PRICKLE1: variants seen among roughly 807,000 people sequenced by gnomAD.
PRICKLE1 encodes the protein prickle-like protein 1.
A neutral mutation model predicts 70.2 loss-of-function variants in PRICKLE1; 14 were observed. The observed-to-expected ratio is 0.20, with a 90% CI of 0.13 to 0.31. PRICKLE1 has a LOEUF of 0.31. Among genes scored for constraint, PRICKLE1 ranks in the 10% least tolerant of loss-of-function variants. The pLI, the probability that PRICKLE1 is intolerant of heterozygous loss-of-function variation, is 1.00. For missense variants in PRICKLE1, 821 were observed against 1,026.2 expected, an observed-to-expected ratio of 0.80 and a Z score of 2.73; for synonymous variants, 357 against 379.9, an observed-to-expected ratio of 0.94 and a Z score of 0.70.
chr12:42,467,582 A>C (rs1172252641), intron 5 of PRICKLE1, among the ~76,000 whole-genome samples: 4 of 151,962 alleles, frequency 2.6e-5, no homozygotes, highest in African/African-American at 4.8e-5. Context: ...TCTACTAAAA[A>C]TACAAAAAAA....
chr12:42,505,245 G>A (rs930546196), intron 1 of PRICKLE1, among the ~76,000 whole-genome samples: 1 of 152,214 alleles, frequency 6.6e-6, no homozygotes, highest in Non-Finnish European at 1.5e-5. Context: ...TATCTGTGTG[G>A]GTAGATGGAT....
Position 42,516,631 on chromosome 12 carries a change from T to C in PRICKLE1, c.-48-44067A>G, listed in dbSNP as rs980060182. On this transcript the variant is annotated intron_variant, in intron 1 of 7. Coordinates refer to ENST00000345127, the MANE Select transcript of PRICKLE1 (RefSeq NM_153026.3). ...CTCTCTGTTCATCCTCATCTACCTG[T>C]TCATATTTAATAGTGAGATACTAAA... 2.0e-5 allele frequency among the ~76,000 whole-genome samples: 3 copies of C among 152,196 alleles called. No individual in the cohort carries two copies. In the East Asian group the frequency reaches 5.8e-4, roughly 29 times the overall value.
At chr12:42,511,611 A>AG (rs963645433) in intron 1 of PRICKLE1, among the ~76,000 whole-genome samples, 16 of 152,112 alleles carry the variant, frequency 1.1e-4, no homozygotes, top group South Asian at 6.2e-4. Flanking sequence ...TCCACAGGAG[A>AG]GGGGGGTATG....
At chr12:42,475,906 C>T (rs1440307252) in intron 1 of PRICKLE1, among the ~76,000 whole-genome samples, 2 of 151,612 alleles carry the variant, frequency 1.3e-5, no homozygotes, top group Admixed American at 1.3e-4. Context: ...TCAAGACCAG[C>T]ATGGCCAACC....
intron 1 of PRICKLE1, among the ~76,000 whole-genome samples, chr12:42,518,605 T>C (rs1040847266): frequency 1.8e-4 from 27 of 152,194 alleles, no homozygotes; most frequent in Non-Finnish European, 5.9e-5. Context: ...AATTTTCCTA[T>C]GTTTGTCCCC....
intron 1 of PRICKLE1, among the ~76,000 whole-genome samples, chr12:42,539,801 A>C (rs1940078060): frequency 6.6e-6 from 1 of 152,260 alleles, no homozygotes; most frequent in African/African-American, 2.4e-5. Context: ...TGACAAAGCA[A>C]CAAGAAAAAA....
intron 1 of PRICKLE1, among the ~76,000 whole-genome samples, chr12:42,549,683 C>T (rs1940278548): frequency 1.3e-5 from 2 of 152,148 alleles, no homozygotes; most frequent in South Asian, 4.1e-4. Flanking sequence ...CTCTCCAGTC[C>T]GTTTCCACCT....
rs144921256 is a variant in PRICKLE1 at position 42,478,316 on chromosome 12, G to A, written c.-48-5752C>T. 3.9e-3 allele frequency among the ~76,000 whole-genome samples: 596 copies of A among 152,292 alleles called. 5 individuals carry two copies. The highest frequency in any genetic ancestry group is 6.5e-3 in the Non-Finnish European group (439 of 68,030). ...TATGCATTAACCAATCCTGTGCTAA[G>A]TTTGGAAATAAATCAATAGGCATCC... On this transcript the variant is annotated intron_variant, in intron 1 of 7. Coordinates refer to ENST00000345127, the MANE Select transcript of PRICKLE1 (RefSeq NM_153026.3).
At chr12:42,482,050 T>C (rs1006615000) in intron 1 of PRICKLE1, among the ~76,000 whole-genome samples, 1 of 152,266 alleles carries the variant, frequency 6.6e-6, no homozygotes, top group Admixed American at 6.5e-5. Context: ...TGCCCTTTAG[T>C]ATTTTCTGTA....
chr12:42,482,417 T>C (rs147627092), intron 1 of PRICKLE1, among the ~76,000 whole-genome samples: 6 of 152,326 alleles, frequency 3.9e-5, no homozygotes, highest in East Asian at 3.9e-4. Context: ...TTTTCCATAA[T>C]GGGGGATGCA....
At chr12:42,499,889 G>A (rs545070127) in intron 1 of PRICKLE1, among the ~76,000 whole-genome samples, 13 of 151,452 alleles carry the variant, frequency 8.6e-5, no homozygotes, top group Non-Finnish European at 1.6e-4. Flanking sequence ...CACCATGCCT[G>A]GCTAATTTTT....
Position 42,469,785 on chromosome 12 carries a change from CT to C in PRICKLE1, c.247-199del, listed in dbSNP as rs540132556. 224 of 634,716 alleles carry C rather than the reference CT, an allele frequency of 3.5e-4. 1 individual carries two copies. Among genetic ancestry groups the C allele is most frequent in the East Asian group, 5.3e-4 (19 of 35,694 alleles). 39.3% of individuals were successfully genotyped at this position (634,716 alleles called of 1,614,324 possible). ...AAGGGAAATGCAATGTGAAGGAATA[CT>C]TTTTTTTTAAATAAGAAATGTTTAA... On this transcript the variant is annotated intron_variant, in intron 3 of 7. Transcript: ENST00000345127.
intron 4 of PRICKLE1, 28 bp from the exon 5 acceptor site, chr12:42,468,857 A>G (rs762072243): frequency 6.2e-7 from 1 of 1,604,376 alleles, no homozygotes; most frequent in Admixed American, 1.7e-5. Flanking sequence ...TGAATGTAAA[A>G]GGATCATTTT....
intron 1 of PRICKLE1, among the ~76,000 whole-genome samples, chr12:42,542,339 T>G (rs1221539761): frequency 2.0e-5 from 3 of 152,144 alleles, no homozygotes; most frequent in Non-Finnish European, 4.4e-5. Context: ...ATATTCAATA[T>G]TCTCAATTTG....
At chr12:42,519,447 C>T (rs576095138) in intron 1 of PRICKLE1, among the ~76,000 whole-genome samples, 1 of 152,176 alleles carries the variant, frequency 6.6e-6, no homozygotes, top group African/African-American at 2.4e-5. Context: ...CCATGCGCCT[C>T]GGCCTCCCAA....
chr12:42,522,742 T>C (rs1166129675), intron 1 of PRICKLE1, among the ~76,000 whole-genome samples: 1 of 152,160 alleles, frequency 6.6e-6, no homozygotes, highest in East Asian at 1.9e-4. Context: ...GTTTTGTTTT[T>C]TCCATTAGCA....
chr12:42,480,221 G>A (rs1938744311), intron 1 of PRICKLE1, among the ~76,000 whole-genome samples: 1 of 152,028 alleles, frequency 6.6e-6, no homozygotes, highest in Admixed American at 6.5e-5. Flanking sequence ...TTTCTCTTTT[G>A]CCCACAGCCA....
intron 1 of PRICKLE1, among the ~76,000 whole-genome samples, chr12:42,534,763 G>GT (rs1939989535): frequency 1.3e-5 from 2 of 152,052 alleles, no homozygotes; most frequent in African/African-American, 4.8e-5. Flanking sequence ...AAAAGGAACA[G>GT]TTTTTTGAAA....
intron 1 of PRICKLE1, among the ~76,000 whole-genome samples, chr12:42,486,714 T>A (rs1481629584): frequency 6.6e-6 from 1 of 152,274 alleles, no homozygotes; most frequent in Non-Finnish European, 1.5e-5. Context: ...GCCTTCATTT[T>A]TTCCCTTCTA....
Sources: allele counts gnomAD v4.1 joint callset (sites outside exome capture counted in the v4.1 genomes callset), GRCh38; gene constraint gnomAD v4.1.1; transcripts MANE v1.5; gene names NCBI Gene and HGNC (gene_info 2026-07-23, HGNC 2026-07-21).